The following WSCD2 variants were observed in gnomAD, a reference collection of about 807,000 sequenced individuals.
WSCD2 encodes the protein sialate:O-sulfotransferase 2.
In WSCD2, 28 loss-of-function variants were observed where a neutral mutation model predicts 55.7. That is an observed-to-expected ratio of 0.50 (90% CI 0.37 to 0.69). The LOEUF is 0.69. Among genes scored for constraint, WSCD2 ranks in the 30% least tolerant of loss-of-function variants. The probability of loss-of-function intolerance (pLI) is 0.00; values close to 1 mark genes in which losing one functional copy is unlikely to be tolerated. For missense variants in WSCD2, 616 were observed against 762.1 expected (o/e 0.81, Z 2.26); for synonymous variants, 301 against 301.9 (o/e 1.00, Z 0.03).
At chr12:108,174,625 A>G (rs748218677) in intron 1 of WSCD2, among the ~76,000 whole-genome samples, 1 of 152,128 alleles carries the variant, frequency 6.6e-6, no homozygotes, top group Non-Finnish European at 1.5e-5. Context: ...ATTATTTTTC[A>G]TTCTTTAGAG....
At chr12:108,217,776 C>T (rs577559334) in intron 4 of WSCD2, among the ~76,000 whole-genome samples, 1 of 152,216 alleles carries the variant, frequency 6.6e-6, no homozygotes, top group Non-Finnish European at 1.5e-5. Flanking sequence ...AAGAGGTGCA[C>T]AGCAGTAGCT....
rs568086799 is a variant in WSCD2, at chr12:108,211,758, A to G, written c.682+1453A>G. On this transcript the variant is annotated intron_variant, in intron 4 of 8. Coordinates refer to ENST00000547525, the MANE Select transcript of WSCD2 (RefSeq NM_014653.4). ...AACCCCCGTATGCCAGGTTCAAGCA[A>G]TTCTCCTGCCTCAGCCTCCCAAGTA... Among the ~76,000 whole-genome samples the G allele has an allele frequency of 2.1e-4, 32 of 150,444 alleles. No homozygotes were observed. The South Asian group carries it at 6.7e-3, about 32-fold the overall frequency.
At chr12:108,211,089 C>G (rs1474664738) in intron 4 of WSCD2, among the ~76,000 whole-genome samples, 1 of 152,220 alleles carries the variant, frequency 6.6e-6, no homozygotes, top group Non-Finnish European at 1.5e-5. Context: ...CAATTACAGA[C>G]CTGATTTCAT....
At chr12:108,200,305 C>A (rs777794287) in intron 2 of WSCD2, among the ~76,000 whole-genome samples, 1 of 152,168 alleles carries the variant, frequency 6.6e-6, no homozygotes, top group African/African-American at 2.4e-5. Context: ...TGCCATTTCA[C>A]GGATGAAGAA....
chr12:108,143,556 G>A (rs1249559345), intron 1 of WSCD2, among the ~76,000 whole-genome samples: 2 of 152,226 alleles, frequency 1.3e-5, no homozygotes, highest in Non-Finnish European at 2.9e-5. Context: ...AGGATGATAT[G>A]AGATCAGGCA....
Position 108,210,056 on chromosome 12 carries a change from T to G in WSCD2, c.498-65T>G. The stretch of plus-strand genomic sequence containing the variant: ...CCCTCCCATCCCCCAGGTCTCCATG[T>G]TGTGTCTCCCTGCCTCGGGGTCTCC... On this transcript the variant is annotated intron_variant, in intron 3 of 8. Transcript: ENST00000547525. This position sits in a 1 kb window ranked among gnomAD's most constrained non-coding sequence, Gnocchi z 4.3. 2.5e-6 allele frequency: 4 copies of G among 1,599,582 alleles called. No homozygotes were observed. Among genetic ancestry groups the G allele is most frequent in the Non-Finnish European group, 3.4e-6 (4 of 1,168,816 alleles).
chr12:108,207,754 A>G (rs892032437), intron 3 of WSCD2, among the ~76,000 whole-genome samples: 1 of 151,754 alleles, frequency 6.6e-6, no homozygotes, highest in Non-Finnish European at 1.5e-5. Context: ...CACTATTAAA[A>G]TCCTGAGCCC....
intron 6 of WSCD2, among the ~76,000 whole-genome samples, chr12:108,227,581 A>G (rs1888249050): frequency 6.6e-6 from 1 of 152,088 alleles, no homozygotes; most frequent in African/African-American, 2.4e-5. Flanking sequence ...AGATTTTGTC[A>G]TTTTATCTAT....
intron 1 of WSCD2, among the ~76,000 whole-genome samples, chr12:108,149,179 G>C (rs1056896919): frequency 6.6e-6 from 1 of 152,194 alleles, no homozygotes; most frequent in African/African-American, 2.4e-5. Context: ...TGATCTCCCT[G>C]GCCCAGTGGG....
chr12:108,226,760 A>G (rs1327414418), intron 5 of WSCD2, among the ~76,000 whole-genome samples: 1 of 152,236 alleles, frequency 6.6e-6, no homozygotes, highest in Non-Finnish European at 1.5e-5. Flanking sequence ...AAGTTTCAAA[A>G]AGTGAATCGA....
rs372566704 is a variant in WSCD2, at chr12:108,232,816, G to A, written c.1065G>A (p.Thr355=). The A allele has an allele frequency of 1.1e-5, 17 of 1,613,946 alleles. No individual in the cohort carries two copies. The highest frequency in any genetic ancestry group is 2.7e-5 in the African/African-American group (2 of 74,914). ...ALASFPGAGN[T]WARHLIELAT... ...CCAGCTTCCCAGGTGCTGGCAACAC[G>A]TGGGCTCGCCACCTCATTGAATTGG... is the stretch of plus-strand genomic sequence containing the variant. Residue 355 remains threonine (T), a synonymous_variant, in exon 7 of 9, where the codon ACG becomes ACA. Coordinates refer to ENST00000547525, the MANE Select transcript of WSCD2 (RefSeq NM_014653.4).
At position 108,196,205 on chromosome 12, in the gene WSCD2, G is replaced by GAAGAGCGAGGT; in HGVS notation, c.382+2_382+12dup. 6.2e-7 allele frequency: 1 copy of GAAGAGCGAGGT among 1,613,040 alleles called. No individual in the cohort carries two copies. The highest frequency in any genetic ancestry group is 2.2e-5 in the East Asian group (1 of 44,866). On this transcript the variant is annotated frameshift_variant, in exon 2 of 9. Coordinates refer to ENST00000547525, the MANE Select transcript of WSCD2 (RefSeq NM_014653.4). LOFTEE classifies it high-confidence loss of function. Reference sequence around the variant, plus strand: ...GGGGAGGGTTGTCCGGGAGAAGGAGGAAGAGCGAGGTAAGAGCGAGGAACA... The same window carrying GAAGAGCGAGGT: ...GGGGAGGGTTGTCCGGGAGAAGGAGGAAGAGCGAGGTAAGAGCGAGGTAAGAGCGAGGAACA...
At chr12:108,158,083 T>G (rs917324188) in intron 1 of WSCD2, among the ~76,000 whole-genome samples, 1 of 152,268 alleles carries the variant, frequency 6.6e-6, no homozygotes, top group Non-Finnish European at 1.5e-5. Context: ...CAGCCTGTAC[T>G]TACGGGATGT....
chr12:108,190,358 G>A (rs961588034), intron 1 of WSCD2, among the ~76,000 whole-genome samples: 8 of 152,014 alleles, frequency 5.3e-5, no homozygotes, highest in Non-Finnish European at 8.8e-5. Flanking sequence ...GCTATTTCTC[G>A]GTGAAGCTTG....
intron 1 of WSCD2, among the ~76,000 whole-genome samples, chr12:108,142,568 A>G (rs1349096046): frequency 2.6e-4 from 40 of 152,260 alleles, no homozygotes; most frequent in Admixed American, 1.4e-3. Context: ...ATACATGAGT[A>G]AAATAGAAAT....
At chr12:108,200,841 G>A (rs1217228310) in intron 2 of WSCD2, among the ~76,000 whole-genome samples, 1 of 152,172 alleles carries the variant, frequency 6.6e-6, no homozygotes, top group Non-Finnish European at 1.5e-5. Context: ...ACCAAAGTGA[G>A]TGGTGCATCC....
chr12:108,249,564 C>T lies in WSCD2; in HGVS notation c.*1221C>T, dbSNP rs1890314653. 1.3e-5 allele frequency: 2 copies of T among 152,620 alleles called. No individual in the cohort carries two copies. The highest frequency in any genetic ancestry group is 2.4e-5 in the African/African-American group (1 of 41,444). 9.5% of individuals were successfully genotyped at this position (152,620 alleles called of 1,614,324 possible). A position where few individuals can be genotyped will look rare whatever the true frequency, so the allele number is the denominator to read the frequency against. ...AACCCTGGATACCAGTAGCTTCCCA[C>T]CCAGTCCAAACCTGCACCATCCATC... On this transcript the variant is annotated 3_prime_UTR_variant, in exon 9 of 9. Transcript: ENST00000547525.
chr12:108,146,319 A>G (rs1877389168), intron 1 of WSCD2, among the ~76,000 whole-genome samples: 1 of 152,202 alleles, frequency 6.6e-6, no homozygotes, highest in South Asian at 2.1e-4. Flanking sequence ...GTTACTCTGT[A>G]GTTGAGTGTG....
intron 5 of WSCD2, 99 bp from the exon 6 acceptor site, chr12:108,226,891 G>C: frequency 7.3e-7 from 1 of 1,376,318 alleles, no homozygotes; most frequent in Non-Finnish European, 9.8e-7. Flanking sequence ...TGACAGAGAA[G>C]ACAGTGGTTG....
Sources: allele counts gnomAD v4.1 joint callset (sites outside exome capture counted in the v4.1 genomes callset), GRCh38; gene constraint gnomAD v4.1.1; non-coding constraint Gnocchi (gnomAD v3.1); transcripts MANE v1.5; gene names NCBI Gene and HGNC (gene_info 2026-07-23, HGNC 2026-07-21).